Variants in CUX1 observed in about 807,000 individuals in gnomAD.
CUX1 encodes the protein protein CASP.
CUX1 carries 31 observed loss-of-function variants against 158.8 expected under a neutral mutation model. That is an observed-to-expected ratio of 0.20 (90% confidence interval 0.15 to 0.26). CUX1 has a LOEUF of 0.26. Among genes scored for constraint, CUX1 ranks in the 10% least tolerant of loss-of-function variants. The pLI, the probability that CUX1 is intolerant of heterozygous loss-of-function variation, is 1.00. For synonymous variants in CUX1, 879 were observed against 862.1 expected (o/e 1.02, Z -0.34); for missense variants, 1,589 against 2,014.6 (o/e 0.79, Z 4.04).
At chr7:102,152,510 G>A (rs1835800914) in intron 8 of CUX1, among the ~76,000 whole-genome samples, 1 of 152,080 alleles carries the variant, frequency 6.6e-6, no homozygotes, top group South Asian at 2.1e-4. Flanking sequence ...TCCTGCCTCA[G>A]CCCCTCAAGT....
chr7:101,887,077 C>A (rs1277880062), intron 1 of CUX1, among the ~76,000 whole-genome samples: 2 of 152,140 alleles, frequency 1.3e-5, no homozygotes, highest in Non-Finnish European at 2.9e-5. Context: ...CGAAGGAGGT[C>A]AGTGCCGGAC....
chr7:102,201,745 C>T lies in CUX1; in HGVS notation c.2448C>T (p.Arg816=). ...GACAGGTGAAAAATGAGGTGGGCCG[C>T]AGCGGTGCCTGGAAGGACCACTGGT... is the stretch of plus-strand genomic sequence containing the variant. ...VLRQVKNEVG[R]SGAWKDHWWS... The change falls in exon 18 of 24, where the codon CGC becomes CGT. Residue 816 remains arginine (R), a synonymous_variant. Transcript: ENST00000292535. This position sits in a 1 kb window ranked among gnomAD's most constrained non-coding sequence, Gnocchi z 5.0. The T allele has an allele frequency of 1.2e-6, 2 of 1,612,686 alleles. No homozygotes were observed. The highest frequency in any genetic ancestry group is 2.2e-5 in the East Asian group (1 of 44,882).
At chr7:101,862,883 T>C (rs12154522) in intron 1 of CUX1, among the ~76,000 whole-genome samples, 31,791 of 148,760 alleles carry the variant, frequency 0.21, 4,046 homozygotes, top group Non-Finnish European at 0.28. Context: ...TTCACAGCAA[T>C]AATTGCATTT....
At chr7:102,033,865 G>A (rs1821092117) in intron 3 of CUX1, among the ~76,000 whole-genome samples, 1 of 151,982 alleles carries the variant, frequency 6.6e-6, no homozygotes, top group East Asian at 1.9e-4. Flanking sequence ...AGTCTTATTG[G>A]CCACGCATGG....
intron 2 of CUX1, chr7:101,961,130 C>G (rs1810430787): frequency 6.6e-6 from 1 of 152,134 alleles, no homozygotes; most frequent in Admixed American, 6.6e-5. Flanking sequence ...CAGAGCTGCC[C>G]AGGAGACAGG....
At chr7:102,178,692 G>A in intron 11 of CUX1, 35 bp downstream of exon 11, 3 of 1,574,370 alleles carry the variant, frequency 1.9e-6, no homozygotes, top group Non-Finnish European at 2.6e-6. Context: ...GTGGCCCGAG[G>A]AGGCAGGGCG....
intron 3 of CUX1, among the ~76,000 whole-genome samples, chr7:102,042,694 A>G (rs933632605): frequency 6.6e-6 from 1 of 152,080 alleles, no homozygotes; most frequent in African/African-American, 2.4e-5. Context: ...ATCTCAACCT[A>G]TTTCTAACTT....
chr7:101,953,103 G>T lies in CUX1; in HGVS notation c.141+36878G>T, dbSNP rs76335318. On this transcript the variant is annotated intron_variant, in intron 2 of 23. Coordinates refer to ENST00000292535, the MANE Select transcript of CUX1 (RefSeq NM_181552.4). Reference sequence around the variant, plus strand: ...GGAACTGGGGAAGTCGAGTCAGCCCGCTGGGGTTCCTGATTCTCTGCGGTT... The same window carrying T: ...GGAACTGGGGAAGTCGAGTCAGCCCTCTGGGGTTCCTGATTCTCTGCGGTT... Among the ~76,000 whole-genome samples, 1,062 of 152,280 alleles carry T rather than the reference G, an allele frequency of 7.0e-3. 15 individuals carry two copies. The highest frequency in any genetic ancestry group is 0.024 in the African/African-American group (1,004 of 41,566).
At chr7:102,274,602 C>G (rs1267994535) in intron 16 of CUX1, among the ~76,000 whole-genome samples, 3 of 152,170 alleles carry the variant, frequency 2.0e-5, no homozygotes, top group Admixed American at 6.5e-5. Context: ...GGCGACAGAC[C>G]GAGACCCTGT....
intron 3 of CUX1, among the ~76,000 whole-genome samples, chr7:102,039,090 T>C (rs886465274): frequency 2.6e-5 from 4 of 152,178 alleles, no homozygotes; most frequent in Admixed American, 6.6e-5. Context: ...AAAAGATTAA[T>C]AAAGAAAAGC....
At chr7:102,029,049 G>A (rs1198396165) in intron 3 of CUX1, among the ~76,000 whole-genome samples, 1 of 140,128 alleles carries the variant, frequency 7.1e-6, no homozygotes, top group East Asian at 2.3e-4. Context: ...CTACAGTCCA[G>A]TGGTGCAATC....
chr7:101,881,333 G>C (rs954969964), intron 1 of CUX1, among the ~76,000 whole-genome samples: 1 of 152,198 alleles, frequency 6.6e-6, no homozygotes. Context: ...CTGATTCTCT[G>C]TGAGTCTGAC....
At chr7:102,151,976 G>A (rs535389231) in intron 8 of CUX1, among the ~76,000 whole-genome samples, 1 of 152,188 alleles carries the variant, frequency 6.6e-6, no homozygotes, top group Admixed American at 6.5e-5. Context: ...GGAAACTAAG[G>A]CAGGAGGATC....
chr7:102,211,099 T>A (rs919805589), intron 20 of CUX1, among the ~76,000 whole-genome samples: 15 of 152,114 alleles, frequency 9.9e-5, no homozygotes, highest in African/African-American at 3.6e-4. Context: ...GATAGCATGT[T>A]CATAGGGACA....
At chr7:102,036,080 T>C (rs1279158117) in intron 3 of CUX1, among the ~76,000 whole-genome samples, 1 of 152,038 alleles carries the variant, frequency 6.6e-6, no homozygotes, top group Non-Finnish European at 1.5e-5. Context: ...CATATTACAT[T>C]TGTGTAATCC....
intron 1 of CUX1, among the ~76,000 whole-genome samples, chr7:101,867,788 A>G (rs1465566741): frequency 6.6e-6 from 1 of 152,154 alleles, no homozygotes; most frequent in African/African-American, 2.4e-5. Context: ...CACCACGGAA[A>G]ATCAAATCAA....
At chr7:102,088,673 G>A (rs1326230827) in intron 4 of CUX1, among the ~76,000 whole-genome samples, 2 of 152,184 alleles carry the variant, frequency 1.3e-5, no homozygotes, top group African/African-American at 2.4e-5. Context: ...TAGTTTGTTG[G>A]TGGTTTGGGT....
chr7:102,134,301 C>T (rs533316601), intron 8 of CUX1, among the ~76,000 whole-genome samples: 7 of 152,288 alleles, frequency 4.6e-5, no homozygotes, highest in Admixed American at 1.3e-4. Context: ...TGCACCACTG[C>T]ACTTCAGCCT....
intron 2 of CUX1, among the ~76,000 whole-genome samples, chr7:101,968,063 A>G (rs75901869): frequency 0.022 from 3,280 of 152,014 alleles, 124 homozygotes; most frequent in African/African-American, 0.075. Flanking sequence ...CACCACCACA[A>G]CTGGATATTT....
Sources: gnomAD v4.1 joint callset for allele counts (sites outside exome capture counted in the v4.1 genomes callset) on GRCh38, gnomAD v4.1.1 for gene constraint, Gnocchi (gnomAD v3.1) non-coding constraint, MANE v1.5 for transcripts, NCBI Gene and HGNC (gene_info 2026-07-23, HGNC 2026-07-21) for gene names.